CAPN15: variants seen among roughly 807,000 people sequenced by gnomAD.
The protein encoded by CAPN15 is calpain 15, also known as calpain-15.
A neutral mutation model predicts 97.9 loss-of-function variants in CAPN15; 53 were observed. The observed-to-expected ratio is 0.54, with a 90% confidence interval of 0.43 to 0.68. CAPN15 has a LOEUF of 0.68. Ranked by LOEUF, CAPN15 falls within the 30% of genes least tolerant of loss-of-function variation. CAPN15 has a pLI of 0.00. For synonymous variants in CAPN15, 922 were observed against 722.5 expected (o/e 1.28, Z -4.43); for missense variants, 1,592 against 1,589.8 (o/e 1.00, Z -0.02).
chr16:551,630 G>T lies in CAPN15; in HGVS notation c.2311G>T (p.Gly771Cys). The T allele has an allele frequency of 1.2e-6, 2 of 1,604,468 alleles. No individual in the cohort carries two copies. Among genetic ancestry groups the T allele is most frequent in the Non-Finnish European group, 1.7e-6 (2 of 1,178,136 alleles). ...GELMPHGSSE[G>C]VFWMEYGDFV... Reference sequence around the variant, plus strand: ...GCTCATGCCGCACGGCAGCAGTGAGGGTGTCTTCTGGATGGAGTACGGCGA... The same window carrying T: ...GCTCATGCCGCACGGCAGCAGTGAGTGTGTCTTCTGGATGGAGTACGGCGA... The change falls in exon 9 of 14, where the codon GGT becomes TGT. Residue 771 changes from glycine (G) to cysteine (C), a missense_variant. Around this residue, in one of 3 missense-constraint regions of CAPN15, gnomAD observed 644 missense variants for 699.6 expected, o/e 0.92. Coordinates refer to ENST00000219611, the MANE Select transcript of CAPN15 (RefSeq NM_005632.3).
Position 553,385 on chromosome 16 carries a change from T to G in CAPN15, c.3130T>G (p.Ser1044Ala). ...LSQLEGNAGF[S>A]ITHRLAHRKA... ...CCAGCTAGAGGGCAACGCCGGCTTCTCTATCACCCACCGCCTGGCACATCG... is the reference window on the plus strand; with the variant it reads ...CCAGCTAGAGGGCAACGCCGGCTTCGCTATCACCCACCGCCTGGCACATCG... Residue 1044 changes from serine (S) to alanine (A), a missense_variant, in exon 14 of 14, where the codon TCT (serine) becomes GCT (alanine). By Grantham distance (99) the Ser-to-Ala change is moderately conservative (BLOSUM62 1). Coordinates refer to ENST00000219611, the MANE Select transcript of CAPN15 (RefSeq NM_005632.3). The G allele has an allele frequency of 1.9e-6, 3 of 1,605,926 alleles. No individual in the cohort carries two copies. The highest frequency in any genetic ancestry group is 2.5e-6 in the Non-Finnish European group (3 of 1,177,748).
intron 3 of CAPN15, among the ~76,000 whole-genome samples, chr16:544,124 G>T (rs2034362099): frequency 6.6e-6 from 1 of 152,180 alleles, no homozygotes; most frequent in Admixed American, 6.5e-5. Flanking sequence ...CCCTGGCAAG[G>T]CTGACCGGCG....
chr16:547,219 C>CGAG lies in CAPN15; in HGVS notation c.388_390dup (p.Glu130dup), dbSNP rs1410078492. 1 of 1,526,368 alleles carries CGAG rather than the reference C, an allele frequency of 6.6e-7. No homozygotes were observed. The allele number at this position is 1,526,368 out of a possible 1,614,324, so 94.6% of individuals were successfully genotyped here. A position where few individuals can be genotyped will look rare whatever the true frequency, so the allele number is the denominator to read the frequency against. On this transcript the variant is annotated inframe_insertion, in exon 4 of 14. Transcript: ENST00000219611. ...CCAGGGGGCAGTGCGAGGACAAGGA[C>CGAG]GAGGAGGAGAAGGAGGAGCAGGAGG... is the stretch of plus-strand genomic sequence containing the variant.
At position 548,253 on chromosome 16, in the gene CAPN15, C is replaced by T; in HGVS notation, c.1415C>T (p.Ala472Val). 6.5e-7 allele frequency: 1 copy of T among 1,544,404 alleles called. No homozygotes were observed. The highest frequency in any genetic ancestry group is 8.7e-7 in the Non-Finnish European group (1 of 1,146,834). The stretch of plus-strand genomic sequence containing the variant: ...CAGACAGACGAGGGCGAGGCCAAGG[C>T]ACTCTGGGAGAACATCGTGGCCTTC... Reference protein sequence around the residue: ...RRQTDEGEAKALWENIVAFCR... With the variant: ...RRQTDEGEAKVLWENIVAFCR... Residue 472 changes from alanine to valine, a missense_variant, in exon 4 of 14, where the codon GCA becomes GTA. Around this residue, in one of 3 missense-constraint regions of CAPN15, gnomAD observed 883 missense variants for 776.6 expected, o/e 1.14. Coordinates refer to ENST00000219611, the MANE Select transcript of CAPN15 (RefSeq NM_005632.3).
chr16:547,260 C>G lies in CAPN15; in HGVS notation c.422C>G (p.Ala141Gly). 6.6e-7 allele frequency: 1 copy of G among 1,509,852 alleles called. No individual in the cohort carries two copies. Among genetic ancestry groups the G allele is most frequent in the Non-Finnish European group, 8.8e-7 (1 of 1,134,704 alleles). The allele number at this position is 1,509,852 out of a possible 1,614,324, so 93.5% of individuals were successfully genotyped here. The change falls in exon 4 of 14, where the codon GCG (alanine) becomes GGG (glycine). Residue 141 changes from alanine to glycine, a missense_variant. Physicochemically the swap from Ala to Gly is moderately conservative, Grantham distance 60. This residue lies in a region of CAPN15 where 883 missense variants were observed against 776.6 expected (regional missense o/e 1.14). Transcript: ENST00000219611. ...GAGCAGGAGGAGGAGGAGGGAGCGG[C>G]GGAGCCCAGAGGGGGCTGGGCGTGT... ...KEEQEEEEGA[A>G]EPRGGWACPR...
chr16:535,651 C>A lies in CAPN15; in HGVS notation c.-136-378C>A, dbSNP rs996357209. Among the ~76,000 whole-genome samples the A allele has an allele frequency of 2.6e-5, 4 of 152,142 alleles. No homozygotes were observed. The highest frequency in any genetic ancestry group is 9.7e-5 in the African/African-American group (4 of 41,428). On this transcript the variant is annotated intron_variant, in intron 2 of 13. Transcript: ENST00000219611. This position sits in a 1 kb window ranked among gnomAD's most constrained non-coding sequence, Gnocchi z 6.2. Reference sequence around the variant, plus strand: ...ACAGCCCGGGGCCCTCCGCACCCTGCCCCTCCAGGGAGCCCAGAGGCGGGC... The same window carrying A: ...ACAGCCCGGGGCCCTCCGCACCCTGACCCTCCAGGGAGCCCAGAGGCGGGC...
chr16:547,949 T>C lies in CAPN15; in HGVS notation c.1111T>C (p.Phe371Leu). Residue 371 changes from phenylalanine (F) to leucine (L), a missense_variant, in exon 4 of 14, where the codon TTC (phenylalanine) becomes CTC (leucine). This residue lies in a region of CAPN15 where 883 missense variants were observed against 776.6 expected (regional missense o/e 1.14). Transcript: ENST00000219611. ...CTGCGGCTGCTCCAAACTGCACGGC[T>C]TCCAGGAGCATGGCGAGCCCCCCAC... ...SACGCSKLHG[F>L]QEHGEPPTHC... is the part of the protein sequence containing the mutation. 1 of 1,597,338 alleles carries C rather than the reference T, an allele frequency of 6.3e-7. No individual in the cohort carries two copies. Among genetic ancestry groups the C allele is most frequent in the Non-Finnish European group, 8.5e-7 (1 of 1,173,072 alleles).
Position 551,547 on chromosome 16 carries a change from C to T in CAPN15, c.2228C>T (p.Ser743Phe). 6.2e-7 allele frequency: 1 copy of T among 1,611,746 alleles called. No homozygotes were observed. The highest frequency in any genetic ancestry group is 8.5e-7 in the Non-Finnish European group (1 of 1,179,326). The stretch of plus-strand genomic sequence containing the variant: ...CTCCGAAACCCGTGGGGCCGTTTCT[C>T]CTGGAACGGCAGCTGGTCCGACGAG... ...LRLRNPWGRF[S>F]WNGSWSDEWP... The change falls in exon 9 of 14, where the codon TCC (serine) becomes TTC (phenylalanine). Residue 743 changes from serine (S) to phenylalanine (F), a missense_variant. By Grantham distance (155) the Ser-to-Phe change is radical (BLOSUM62 -2). Coordinates refer to ENST00000219611, the MANE Select transcript of CAPN15 (RefSeq NM_005632.3).
chr16:547,078 GC>G lies in CAPN15; in HGVS notation c.242del (p.Pro81GlnfsTer28). On this transcript the variant is annotated frameshift_variant, in exon 4 of 14. Coordinates refer to ENST00000219611, the MANE Select transcript of CAPN15 (RefSeq NM_005632.3). LOFTEE classifies it high-confidence loss of function. ...PEPAPGAAFLPVLNGVLPKPP... is the reference protein window; with the variant it reads ...PEPAPGAAFLXVLNGVLPKPP... ...AGCCTGCGCCTGGGGCTGCCTTCCT[GC>G]CAGTCCTCAACGGGGTCCTCCCCAA... is the stretch of plus-strand genomic sequence containing the variant. The G allele has an allele frequency of 6.3e-7, 1 of 1,598,764 alleles. No individual in the cohort carries two copies.
chr16:542,936 A>T (rs575065658), intron 3 of CAPN15, among the ~76,000 whole-genome samples: 8 of 152,194 alleles, frequency 5.3e-5, no homozygotes, highest in Admixed American at 2.6e-4. Flanking sequence ...CTATAATCCT[A>T]GCTACTAGGG....
chr16:549,607 C>G lies in CAPN15; in HGVS notation c.1843-8C>G, dbSNP rs2034848881. ...GGCGGGGGTGGCCTCTGACCCGGCC[C>G]TCTGCAGGCGCAGCGGAAGCAGCTG... On this transcript the variant is annotated splice_region_variant and splice_polypyrimidine_tract_variant and intron_variant, in intron 6 of 13. Coordinates refer to ENST00000219611, the MANE Select transcript of CAPN15 (RefSeq NM_005632.3). 2 of 1,534,562 alleles carry G rather than the reference C, an allele frequency of 1.3e-6. No individual in the cohort carries two copies. Among genetic ancestry groups the G allele is most frequent in the South Asian group, 2.4e-5 (2 of 84,214 alleles).
chr16:544,593 G>C (rs1473113207), intron 3 of CAPN15, among the ~76,000 whole-genome samples: 1 of 152,072 alleles, frequency 6.6e-6, no homozygotes, highest in African/African-American at 2.4e-5. Flanking sequence ...GCAACGCCCA[G>C]ATAACTGGGG....
chr16:553,845 C>T lies in CAPN15; in HGVS notation c.*329C>T, dbSNP rs1178366527. On this transcript the variant is annotated 3_prime_UTR_variant, in exon 14 of 14. Transcript: ENST00000219611. ...CTCCCTGTGGGCTCAGGGTCTCCTG[C>T]GGGCTAGGCAGCCAGGAGCTCTGTC... 26 of 263,840 alleles carry T rather than the reference C, an allele frequency of 9.9e-5. No homozygotes were observed. The East Asian group carries it at 1.1e-3, about 11-fold the overall frequency. 16.3% of individuals were successfully genotyped at this position (263,840 alleles called of 1,614,324 possible). A position where few individuals can be genotyped will look rare whatever the true frequency, so the allele number is the denominator to read the frequency against.
At chr16:545,663 G>C (rs1288346503) in intron 3 of CAPN15, among the ~76,000 whole-genome samples, 2 of 152,242 alleles carry the variant, frequency 1.3e-5, no homozygotes, top group Non-Finnish European at 2.9e-5. Context: ...TCTCCTCTCT[G>C]GAGCTGGTGA....
At position 549,208 on chromosome 16, in the gene CAPN15, C is replaced by T; in HGVS notation, c.1658+7C>T. 1 of 1,351,896 alleles carries T rather than the reference C, an allele frequency of 7.4e-7. No individual in the cohort carries two copies. The highest frequency in any genetic ancestry group is 1.0e-6 in the Non-Finnish European group (1 of 991,980). 83.7% of individuals were successfully genotyped at this position (1,351,896 alleles called of 1,614,324 possible). On this transcript the variant is annotated splice_region_variant and intron_variant, in intron 5 of 13. Coordinates refer to ENST00000219611, the MANE Select transcript of CAPN15 (RefSeq NM_005632.3). ...GGCTGCTGGGGAACTGCTGGTGAGG[C>T]CTTCTCCAAGGCCGGGGTGGGGCGG...
rs376983323 is a variant in CAPN15 at position 547,158 on chromosome 16, C to T, written c.320C>T (p.Pro107Leu). The part of the protein sequence containing the change: ...PKGSCQEEAG[P>L]VRTAGLVATE... Reference sequence around the variant, plus strand: ...GGCAGCTGCCAGGAGGAAGCAGGTCCAGTGAGGACTGCGGGGCTGGTGGCC... The same window carrying T: ...GGCAGCTGCCAGGAGGAAGCAGGTCTAGTGAGGACTGCGGGGCTGGTGGCC... The change falls in exon 4 of 14, where the codon CCA (proline) becomes CTA (leucine). Residue 107 changes from proline (P) to leucine (L), a missense_variant. Pro to Leu is a moderately conservative substitution (Grantham distance 98, BLOSUM62 -3). Coordinates refer to ENST00000219611, the MANE Select transcript of CAPN15 (RefSeq NM_005632.3). The T allele has an allele frequency of 5.8e-6, 9 of 1,547,290 alleles. No homozygotes were observed. The highest frequency in any genetic ancestry group is 4.0e-5 in the African/African-American group (3 of 74,094).
intron 13 of CAPN15, 23 bp downstream of exon 13, chr16:553,064 C>CTG (rs1555448440): frequency 1.6e-6 from 2 of 1,268,186 alleles, no homozygotes; most frequent in Non-Finnish European, 2.1e-6. Flanking sequence ...CCCTGCCCCC[C>CTG]CACCCCTGCA....
Position 552,311 on chromosome 16 carries a change from GC to G in CAPN15, c.2520del (p.Val841TrpfsTer133). 3.2e-6 allele frequency: 5 copies of G among 1,562,814 alleles called. No individual in the cohort carries two copies. The highest frequency in any genetic ancestry group is 4.3e-6 in the Non-Finnish European group (5 of 1,159,308). ...LFQEGSRRSD[A>X]VDSHLLDLCI... is the part of the protein sequence containing the mutation. Reference sequence around the variant, plus strand: ...TGGTGTCTGGCGCAGGCGCTCGGACGCCGTGGACAGCCACCTGCTGGACCTG... The same window carrying G: ...TGGTGTCTGGCGCAGGCGCTCGGACGCGTGGACAGCCACCTGCTGGACCTG... On this transcript the variant is annotated frameshift_variant, in exon 11 of 14. Transcript: ENST00000219611. LOFTEE classifies it high-confidence loss of function. This position sits in a 1 kb window ranked among gnomAD's most constrained non-coding sequence, Gnocchi z 6.4.
At position 553,933 on chromosome 16, in the gene CAPN15, A is replaced by C; in HGVS notation, c.*417A>C. The C allele has an allele frequency of 5.3e-6, 1 of 189,008 alleles. No individual in the cohort carries two copies. The highest frequency in any genetic ancestry group is 1.0e-5 in the Non-Finnish European group (1 of 95,294). 11.7% of individuals were successfully genotyped at this position (189,008 alleles called of 1,614,324 possible). A position where few individuals can be genotyped will look rare whatever the true frequency, so the allele number is the denominator to read the frequency against. On this transcript the variant is annotated 3_prime_UTR_variant, in exon 14 of 14. Coordinates refer to ENST00000219611, the MANE Select transcript of CAPN15 (RefSeq NM_005632.3). ...GGGGTGGGATCAGGGACCACCCCTCACGGGGCATAAGGTCAGTTTTCCCCC... is the reference window on the plus strand; with the variant it reads ...GGGGTGGGATCAGGGACCACCCCTCCCGGGGCATAAGGTCAGTTTTCCCCC...
Sources: allele counts gnomAD v4.1 joint callset (sites outside exome capture counted in the v4.1 genomes callset), GRCh38; gene constraint gnomAD v4.1.1; regional missense constraint gnomAD v4.1.1; non-coding constraint Gnocchi (gnomAD v3.1); transcripts MANE v1.5; gene names NCBI Gene and HGNC (gene_info 2026-07-23, HGNC 2026-07-21).